MTMR3: variants seen among roughly 807,000 people sequenced by gnomAD.
The protein encoded by MTMR3 is myotubularin related protein 3, also known as phosphatidylinositol-3,5-bisphosphate 3-phosphatase MTMR3.
In MTMR3, 32 loss-of-function variants were observed where a neutral mutation model predicts 132.4. The ratio of observed to expected loss-of-function variants is 0.24; its 90% confidence interval spans 0.18 to 0.32. The LOEUF is 0.32. MTMR3 is among the 10% of genes least tolerant of loss of function. The pLI is 1.00. For synonymous variants in MTMR3, 556 were observed against 550.3 expected, an observed-to-expected ratio of 1.01 and a Z score of -0.14; for missense variants, 1,216 against 1,489.6, an observed-to-expected ratio of 0.82 and a Z score of 3.02.
At chr22:29,887,990 A>T (rs1390489176) in intron 1 of MTMR3, among the ~76,000 whole-genome samples, 21 of 151,748 alleles carry the variant, frequency 1.4e-4, no homozygotes, top group Non-Finnish European at 1.2e-4. Flanking sequence ...GTCTAAATCT[A>T]ATTTCTTTAG....
intron 7 of MTMR3, chr22:29,997,910 A>G (rs1274169933): frequency 6.6e-6 from 1 of 152,246 alleles, no homozygotes; most frequent in Non-Finnish European, 1.5e-5. Context: ...CTTGTTAAGC[A>G]TGTGAGCCTA....
At chr22:29,931,997 T>G (rs1390646810) in intron 1 of MTMR3, among the ~76,000 whole-genome samples, 2 of 152,192 alleles carry the variant, frequency 1.3e-5, no homozygotes, top group Non-Finnish European at 2.9e-5. Flanking sequence ...TGGTTTATTC[T>G]TTTGAAAAAA....
intron 1 of MTMR3, among the ~76,000 whole-genome samples, chr22:29,930,261 C>A (rs894719906): frequency 2.0e-5 from 3 of 152,048 alleles, no homozygotes; most frequent in African/African-American, 7.2e-5. Context: ...TTCCAGGTAC[C>A]CTTTGGCCAT....
intron 5 of MTMR3, chr22:29,980,358 C>T (rs1451785362): frequency 1.3e-5 from 2 of 152,130 alleles, no homozygotes; most frequent in African/African-American, 4.8e-5. Context: ...CATCAGTTTT[C>T]TGTCTATCAG....
chr22:29,906,502 T>C (rs1372653220), intron 1 of MTMR3, among the ~76,000 whole-genome samples: 6 of 151,850 alleles, frequency 4.0e-5, no homozygotes, highest in Non-Finnish European at 8.8e-5. Context: ...CTAATTTTTT[T>C]TTTTTGTATT....
At chr22:29,984,856 A>AT (rs1480807828) in intron 5 of MTMR3, 1 of 152,210 alleles carries the variant, frequency 6.6e-6, no homozygotes, top group Non-Finnish European at 1.5e-5. Flanking sequence ...TAGAGCTCAT[A>AT]TGGAAGAGAA....
At chr22:29,925,866 G>C (rs866270643) in intron 1 of MTMR3, among the ~76,000 whole-genome samples, 5 of 152,128 alleles carry the variant, frequency 3.3e-5, no homozygotes, top group Non-Finnish European at 7.4e-5. Flanking sequence ...AATGAGCTGA[G>C]ATCAAGCCAC....
chr22:30,030,235 T>TTTTC lies in MTMR3; in HGVS notation c.*4437_*4440dup, dbSNP rs2067987664. 2 of 152,350 alleles carry TTTTC rather than the reference T, an allele frequency of 1.3e-5. No individual in the cohort carries two copies. Among genetic ancestry groups the TTTTC allele is most frequent in the African/African-American group, 4.8e-5 (2 of 41,444 alleles). The allele number at this position is 152,350 out of a possible 1,614,324, so 9.4% of individuals were successfully genotyped here. A position where few individuals can be genotyped will look rare whatever the true frequency, so the allele number is the denominator to read the frequency against. ...TATTATATCTGAGTAACTAGTCAGT[T>TTTTC]TTTCTTACAGTGCTCATAGCAGTTG... On this transcript the variant is annotated 3_prime_UTR_variant, in exon 20 of 20. Coordinates refer to ENST00000401950, the MANE Select transcript of MTMR3 (RefSeq NM_021090.4).
intron 1 of MTMR3, among the ~76,000 whole-genome samples, chr22:29,909,086 G>T (rs963394323): frequency 6.6e-6 from 1 of 151,298 alleles, no homozygotes; most frequent in African/African-American, 2.4e-5. Context: ...ACCTTCCCAG[G>T]CCCAAGCCAT....
chr22:29,896,743 A>G (rs2064904387), intron 1 of MTMR3, among the ~76,000 whole-genome samples: 1 of 152,206 alleles, frequency 6.6e-6, no homozygotes, highest in African/African-American at 2.4e-5. Flanking sequence ...CCATTTATTT[A>G]AGAGTGTATT....
At position 30,030,719 on chromosome 22, in the gene MTMR3, C is replaced by T. The variant is rs1429297522; in HGVS notation, c.*4918C>T. Reference sequence around the variant, plus strand: ...TAGAGGCGGAAGGGACCTTAGGTCACCTACTTCCACGGTTTTCATACTGTT... The same window carrying T: ...TAGAGGCGGAAGGGACCTTAGGTCATCTACTTCCACGGTTTTCATACTGTT... On this transcript the variant is annotated 3_prime_UTR_variant, in exon 20 of 20. Transcript: ENST00000401950. 1.3e-5 allele frequency: 2 copies of T among 151,640 alleles called. No homozygotes were observed. The highest frequency in any genetic ancestry group is 1.9e-4 in the East Asian group (1 of 5,278). 9.4% of individuals were successfully genotyped at this position (151,640 alleles called of 1,614,324 possible). A position where few individuals can be genotyped will look rare whatever the true frequency, so the allele number is the denominator to read the frequency against.
chr22:29,958,080 G>A (rs2066236833), intron 2 of MTMR3, among the ~76,000 whole-genome samples: 1 of 149,700 alleles, frequency 6.7e-6, no homozygotes, highest in African/African-American at 2.4e-5. Flanking sequence ...CCGAGGATAA[G>A]GCAGGGGATT....
rs527943815 is a variant in MTMR3, at chr22:29,914,716, A to T, written c.-138+31357A>T. 1.7e-4 allele frequency among the ~76,000 whole-genome samples: 26 copies of T among 152,220 alleles called. No homozygotes were observed. The South Asian group carries it at 5.0e-3, about 29-fold the overall frequency. ...CTTAAATTTTATTCTGGAAGTTTAT[A>T]GCTTTGTTTGACATTTGGGTCTGTG... On this transcript the variant is annotated intron_variant, in intron 1 of 19. Transcript: ENST00000401950.
Position 30,017,907 on chromosome 22 carries a change from G to C in MTMR3, c.1675-20G>C. 1 of 1,612,266 alleles carries C rather than the reference G, an allele frequency of 6.2e-7. No individual in the cohort carries two copies. Among genetic ancestry groups the C allele is most frequent in the South Asian group, 1.1e-5 (1 of 90,762 alleles). ...GACTTATTGGGGCATATTTAAACCT[G>C]TGTCCTCCCCCCTCCTCAGGTGCTG... On this transcript the variant is annotated intron_variant, in intron 15 of 19. Coordinates refer to ENST00000401950, the MANE Select transcript of MTMR3 (RefSeq NM_021090.4).
chr22:30,014,376 T>C (rs544906950), intron 14 of MTMR3: 7 of 152,452 alleles, frequency 4.6e-5, no homozygotes, highest in African/African-American at 1.7e-4. Context: ...CTTGAAATGC[T>C]TTCTTCAATT....
chr22:29,930,003 C>G (rs2065609638), intron 1 of MTMR3, among the ~76,000 whole-genome samples: 1 of 152,088 alleles, frequency 6.6e-6, no homozygotes, highest in African/African-American at 2.4e-5. Flanking sequence ...AGATTGGGTT[C>G]CAGACACATA....
chr22:29,971,068 T>A lies in MTMR3; in HGVS notation c.3+6T>A. On this transcript the variant is annotated splice_donor_region_variant and intron_variant, in intron 3 of 19. Transcript: ENST00000401950. The stretch of plus-strand genomic sequence containing the variant: ...AATCTGGGCCTCTTGTCATGGTAAG[T>A]ACAAGGAAATAAGAGTAAAAAAAAA... The A allele has an allele frequency of 6.3e-7, 1 of 1,592,508 alleles. No homozygotes were observed. The highest frequency in any genetic ancestry group is 8.5e-7 in the Non-Finnish European group (1 of 1,171,966).
intron 1 of MTMR3, among the ~76,000 whole-genome samples, chr22:29,951,426 G>C (rs1362057943): frequency 1.3e-5 from 2 of 152,066 alleles, no homozygotes; most frequent in Non-Finnish European, 2.9e-5. Context: ...GTTAAGGTTG[G>C]TTTACTTACA....
intron 1 of MTMR3, among the ~76,000 whole-genome samples, chr22:29,909,279 C>T (rs558893903): frequency 6.6e-6 from 1 of 152,188 alleles, no homozygotes; most frequent in South Asian, 2.1e-4. Context: ...CCCTACTCCC[C>T]CAACCCCCAG....
Sources: allele counts gnomAD v4.1 joint callset (sites outside exome capture counted in the v4.1 genomes callset), GRCh38; gene constraint gnomAD v4.1.1; transcripts MANE v1.5; gene names NCBI Gene and HGNC (gene_info 2026-07-23, HGNC 2026-07-21).